Variants in RASGRF1 observed in about 807,000 individuals in gnomAD.
RASGRF1 encodes Ras protein specific guanine nucleotide releasing factor 1, also known as ras-specific guanine nucleotide-releasing factor 1.
In RASGRF1, 40 loss-of-function variants were observed where a neutral mutation model predicts 138.7. The ratio of observed to expected loss-of-function variants is 0.29; its 90% CI spans 0.22 to 0.38. The LOEUF (loss-of-function observed/expected upper bound fraction) is 0.38, where lower values mean the gene tolerates loss of function less well. Ranked by LOEUF, RASGRF1 falls within the 10% of genes least tolerant of loss-of-function variation. The probability of loss-of-function intolerance (pLI) is 1.00; values close to 1 mark genes in which losing one functional copy is unlikely to be tolerated. For synonymous variants in RASGRF1, 614 were observed against 663.2 expected (o/e 0.93, Z 1.14); for missense variants, 1,108 against 1,650.4 (o/e 0.67, Z 5.69).
Position 79,056,233 on chromosome 15 carries a change from T to A in RASGRF1, c.531+2101A>T, listed in dbSNP as rs1199569271. ...AAGAGGTGGTGCTTGGGGAAAAGGA[T>A]GAGGTCAGTGGTAGGTGATCTTCAG... On this transcript the variant is annotated intron_variant, in intron 3 of 26. Transcript: ENST00000558480. 2.6e-5 allele frequency among the ~76,000 whole-genome samples: 4 copies of A among 152,206 alleles called. No individual in the cohort carries two copies. The East Asian group carries it at 5.8e-4, about 22-fold the overall frequency.
intron 1 of RASGRF1, among the ~76,000 whole-genome samples, chr15:79,072,297 A>G (rs1401033041): frequency 6.9e-5 from 1 of 14,592 alleles, no homozygotes; most frequent in African/African-American, 1.1e-4. Flanking sequence ...TTTTTTTGAG[A>G]CGCAGTCTCA....
intron 3 of RASGRF1, among the ~76,000 whole-genome samples, chr15:79,053,016 C>T (rs984124226): frequency 1.3e-5 from 2 of 152,144 alleles, no homozygotes; most frequent in Non-Finnish European, 2.9e-5. Flanking sequence ...CTTGTAATCC[C>T]AGGACTTTGG....
At chr15:79,047,319 C>T (rs1417332565) in intron 4 of RASGRF1, among the ~76,000 whole-genome samples, 1 of 152,184 alleles carries the variant, frequency 6.6e-6, no homozygotes, top group Non-Finnish European at 1.5e-5. Context: ...TCAAGCCCCA[C>T]CCCAGACCTC....
At chr15:78,995,893 G>A in intron 19 of RASGRF1, 93 bp from the exon 20 acceptor site, 4 of 1,229,298 alleles carry the variant, frequency 3.3e-6, no homozygotes, top group South Asian at 2.4e-5. Flanking sequence ...CTGCTCTTAC[G>A]CCCCTCTGTC....
intron 8 of RASGRF1, among the ~76,000 whole-genome samples, chr15:79,029,466 C>T (rs1228415996): frequency 6.6e-6 from 1 of 152,134 alleles, no homozygotes; most frequent in Admixed American, 6.5e-5. Context: ...TTCTAAGTTC[C>T]AGCCCCAGGT....
intron 24 of RASGRF1, among the ~76,000 whole-genome samples, chr15:78,975,382 G>T (rs2055849835): frequency 7.0e-6 from 1 of 142,078 alleles, no homozygotes; most frequent in Non-Finnish European, 1.5e-5. Context: ...TATATTTACT[G>T]TGCTTTGTGA....
chr15:78,983,354 C>T (rs1374977838), intron 23 of RASGRF1, among the ~76,000 whole-genome samples: 1 of 152,210 alleles, frequency 6.6e-6, no homozygotes, highest in Non-Finnish European at 1.5e-5. Flanking sequence ...GAATGACATC[C>T]TAGAACACAG....
Position 79,006,345 on chromosome 15 carries a change from C to T in RASGRF1, c.1916G>A (p.Ser639Asn). 1.9e-6 allele frequency: 3 copies of T among 1,614,242 alleles called. No homozygotes were observed. The highest frequency in any genetic ancestry group is 2.5e-6 in the Non-Finnish European group (3 of 1,180,050). Residue 639 changes from serine to asparagine, a missense_variant, in exon 14 of 27, where the codon AGT becomes AAT. Ser to Asn is a conservative substitution (Grantham distance 46). Transcript: ENST00000558480. The surrounding 1 kb of genome is among the most constrained non-coding windows in gnomAD (Gnocchi z 4.0). ...CAGCCTCTCCAGCAGCCGCTCCACACTGGCGTAGCGGATCTGCAGCACTTT... is the reference window on the plus strand; with the variant it reads ...CAGCCTCTCCAGCAGCCGCTCCACATTGGCGTAGCGGATCTGCAGCACTTT... ...SCKVLQIRYASVERLLERLTD... is the reference protein window; with the variant it reads ...SCKVLQIRYANVERLLERLTD...
At chr15:79,059,433 CT>C (rs1717492682) in intron 2 of RASGRF1, among the ~76,000 whole-genome samples, 1 of 149,728 alleles carries the variant, frequency 6.7e-6, no homozygotes, top group Non-Finnish European at 1.5e-5. Context: ...CCTATCCTCC[CT>C]TATCCTTCCC....
chr15:79,050,655 C>T lies in RASGRF1; in HGVS notation c.532-1067G>A, dbSNP rs773442985. 2.0e-5 allele frequency among the ~76,000 whole-genome samples: 3 copies of T among 152,162 alleles called. No homozygotes were observed. The highest frequency in any genetic ancestry group is 2.9e-5 in the Non-Finnish European group (2 of 68,028). On this transcript the variant is annotated intron_variant, in intron 3 of 26. Transcript: ENST00000558480. The surrounding 1 kb of genome is among the most constrained non-coding windows in gnomAD (Gnocchi z 4.1). ...TGCATAATTTGGGGATCACAGATGT[C>T]GACATAGCTGCAAGAACAAAACCAA... is the stretch of plus-strand genomic sequence containing the variant.
chr15:78,966,148 T>TA (rs2055639767), intron 26 of RASGRF1, among the ~76,000 whole-genome samples: 1 of 152,100 alleles, frequency 6.6e-6, no homozygotes, highest in Non-Finnish European at 1.5e-5. Context: ...ATCTTGTTAT[T>TA]AAAATCACCA....
intron 17 of RASGRF1, 102 bp downstream of exon 17, chr15:78,999,640 TA>T: frequency 7.0e-7 from 1 of 1,427,552 alleles, no homozygotes; most frequent in Non-Finnish European, 9.6e-7. Context: ...TAGCACACCT[TA>T]AACACCCACA....
chr15:79,064,580 C>T (rs759178827), intron 1 of RASGRF1, 54 bp from the exon 2 acceptor site: 61 of 1,530,714 alleles, frequency 4.0e-5, no homozygotes, highest in Admixed American at 5.0e-5. Context: ...GGACCAACAA[C>T]GACTCTTGCA....
chr15:79,053,759 C>T (rs1403012132), intron 3 of RASGRF1, among the ~76,000 whole-genome samples: 2 of 152,358 alleles, frequency 1.3e-5, no homozygotes, highest in South Asian at 2.1e-4. Context: ...AAGAGACGGG[C>T]TGGCTTCATG....
chr15:79,029,545 A>G (rs1567545515), intron 8 of RASGRF1, among the ~76,000 whole-genome samples: 1 of 152,050 alleles, frequency 6.6e-6, no homozygotes, highest in Non-Finnish European at 1.5e-5. Context: ...GGGAGTTTCA[A>G]GGTCGCGAGG....
rs148219059 is a variant in RASGRF1, at chr15:79,046,874, C to T, written c.750G>A (p.Glu250=). Residue 250 remains glutamate, a synonymous_variant, in exon 5 of 27, where the codon GAG becomes GAA. Coordinates refer to ENST00000558480, the MANE Select transcript of RASGRF1 (RefSeq NM_001145648.3). This position sits in a 1 kb window ranked among gnomAD's most constrained non-coding sequence, Gnocchi z 5.3. ...GCTGCTGCACGTACTCAGCCTCAGC[C>T]TCCAGCATGCTGAACACCACCTGGT... The part of the protein sequence containing the change: ...KRNQVVFSML[E]AEAEYVQQLH... The T allele has an allele frequency of 6.2e-7, 1 of 1,614,238 alleles. No individual in the cohort carries two copies. The highest frequency in any genetic ancestry group is 1.1e-5 in the South Asian group (1 of 91,086).
At chr15:79,090,080 C>T in intron 1 of RASGRF1, 143 bp downstream of exon 1, 1 of 1,221,220 alleles carries the variant, frequency 8.2e-7, no homozygotes, top group Admixed American at 2.9e-5. Context: ...AGCAAGCCTC[C>T]CCTCTCGCTG....
intron 23 of RASGRF1, among the ~76,000 whole-genome samples, chr15:78,984,200 G>A (rs965251890): frequency 2.0e-5 from 3 of 152,184 alleles, no homozygotes; most frequent in Non-Finnish European, 2.9e-5. Flanking sequence ...CCCACCCAGC[G>A]TCAGGATGAC....
intron 3 of RASGRF1, among the ~76,000 whole-genome samples, chr15:79,054,714 C>T (rs560285531): frequency 6.6e-6 from 1 of 152,344 alleles, no homozygotes; most frequent in Admixed American, 6.5e-5. Context: ...AGTCAGTAAT[C>T]AACCTCTGTT....
Sources: allele counts gnomAD v4.1 joint callset (sites outside exome capture counted in the v4.1 genomes callset), GRCh38; gene constraint gnomAD v4.1.1; non-coding constraint Gnocchi (gnomAD v3.1); transcripts MANE v1.5; gene names NCBI Gene and HGNC (gene_info 2026-07-23, HGNC 2026-07-21).